Variants in HBA2 observed in about 807,000 individuals in gnomAD.
HBA2 encodes hemoglobin subunit alpha 2.
Under a neutral mutation model 5.6 loss-of-function variants are expected in HBA2, and 9 were observed. The ratio of observed to expected loss-of-function variants is 1.60; its 90% CI spans 0.97 to 2.80. HBA2 has a LOEUF of 2.80. Ranked by LOEUF, HBA2 falls within the 30% of genes most tolerant of loss-of-function variation. The probability of loss-of-function intolerance (pLI) is 0.00; values close to 1 mark genes in which losing one functional copy is unlikely to be tolerated. For missense variants in HBA2, 86 were observed against 152.1 expected (o/e 0.57, Z 2.29); for synonymous variants, 38 against 73.4 (o/e 0.52, Z 2.47).
rs3020599 is a variant in HBA2, at chr16:173,632, G to A, written c.*32G>A. 1.4e-5 allele frequency: 22 copies of A among 1,607,794 alleles called. No individual in the cohort carries two copies. The East Asian group carries it at 4.9e-4, about 36-fold the overall frequency. On this transcript the variant is annotated 3_prime_UTR_variant, in exon 3 of 3. Coordinates refer to ENST00000251595, the MANE Select transcript of HBA2 (RefSeq NM_000517.6). Reference sequence around the variant, plus strand: ...GCCTCGGTAGCCGTTCCTCCTGCCCGCTGGGCCTCCCAACGGGCCCTCCTC... The same window carrying A: ...GCCTCGGTAGCCGTTCCTCCTGCCCACTGGGCCTCCCAACGGGCCCTCCTC...
Position 173,255 on chromosome 16 carries a change from G to T in HBA2, c.226G>T (p.Asp76Tyr), listed in dbSNP as rs281864858. 6.8e-7 allele frequency: 1 copy of T among 1,462,644 alleles called. No homozygotes were observed. Among genetic ancestry groups the T allele is most frequent in the Non-Finnish European group, 9.1e-7 (1 of 1,096,088 alleles). The allele number at this position is 1,462,644 out of a possible 1,614,324, so 90.6% of individuals were successfully genotyped here. The change falls in exon 2 of 3, where the codon GAC becomes TAC. Residue 76 changes from aspartate to tyrosine, a missense_variant. By Grantham distance (160) the Asp-to-Tyr change is radical (BLOSUM62 -3). This residue lies in a region of HBA2 where 25 missense variants were observed against 81.3 expected (regional missense o/e 0.31). Transcript: ENST00000251595. ...GACCAACGCCGTGGCGCACGTGGAC[G>T]ACATGCCCAACGCGCTGTCCGCCCT... ...ALTNAVAHVD[D>Y]MPNALSALSD... is the part of the protein sequence containing the mutation.
chr16:173,480 C>CCACT lies in HBA2; in HGVS notation c.310_313dup (p.Cys105SerfsTer70). On this transcript the variant is annotated frameshift_variant, in exon 3 of 3. Transcript: ENST00000251595. LOFTEE classifies it high-confidence loss of function. ...CCCTCTTCTCTGCACAGCTCCTAAGCCACTGCCTGCTGGTGACCCTGGCCG... is the reference window on the plus strand; with the variant it reads ...CCCTCTTCTCTGCACAGCTCCTAAGCCACTCACTGCCTGCTGGTGACCCTGGCCG... 6.2e-7 allele frequency: 1 copy of CCACT among 1,605,972 alleles called. No individual in the cohort carries two copies. The highest frequency in any genetic ancestry group is 8.5e-7 in the Non-Finnish European group (1 of 1,179,874).
chr16:172,976 G>A lies in HBA2; in HGVS notation c.64G>A (p.Ala22Thr). The change falls in exon 1 of 3, where the codon GCT (alanine) becomes ACT (threonine). Residue 22 changes from alanine (A) to threonine (T), a missense_variant. Ala to Thr is a moderately conservative substitution (Grantham distance 58, BLOSUM62 0). Transcript: ENST00000251595. ...KAAWGKVGAH[A>T]GEYGAEALER... ...CGCCTGGGGTAAGGTCGGCGCGCAC[G>A]CTGGCGAGTATGGTGCGGAGGCCCT... 2 of 416,564 alleles carry A rather than the reference G, an allele frequency of 4.8e-6. No individual in the cohort carries two copies. Among genetic ancestry groups the A allele is most frequent in the South Asian group, 2.2e-5 (1 of 44,694 alleles). The allele number at this position is 416,564 out of a possible 1,614,324, so 25.8% of individuals were successfully genotyped here.
rs1288452192 is a variant in HBA2, at chr16:173,702, T to C, written c.*102T>C. 1 of 1,489,446 alleles carries C rather than the reference T, an allele frequency of 6.7e-7. No homozygotes were observed. The highest frequency in any genetic ancestry group is 9.2e-7 in the Non-Finnish European group (1 of 1,089,600). The allele number at this position is 1,489,446 out of a possible 1,614,324, so 92.3% of individuals were successfully genotyped here. Reference sequence around the variant, plus strand: ...TCCTGGTCTTTGAATAAAGTCTGAGTGGGCAGCAGCCTGTGTGTGCCTGGG... The same window carrying C: ...TCCTGGTCTTTGAATAAAGTCTGAGCGGGCAGCAGCCTGTGTGTGCCTGGG... On this transcript the variant is annotated 3_prime_UTR_variant, in exon 3 of 3. Coordinates refer to ENST00000251595, the MANE Select transcript of HBA2 (RefSeq NM_000517.6).
In HBA2 at chr16:173,629, C is replaced by T. The variant is rs748795375; in HGVS notation, c.*29C>T. The T allele has an allele frequency of 5.6e-6, 9 of 1,608,124 alleles. No individual in the cohort carries two copies. The East Asian group carries it at 6.7e-5, about 12-fold the overall frequency. On this transcript the variant is annotated 3_prime_UTR_variant, in exon 3 of 3. Transcript: ENST00000251595. ...GGAGCCTCGGTAGCCGTTCCTCCTG[C>T]CCGCTGGGCCTCCCAACGGGCCCTC...
At position 173,005 on chromosome 16, in the gene HBA2, G is replaced by A. The variant is rs1211328339; in HGVS notation, c.93G>A (p.Glu31=). Residue 31 remains glutamate (E), a splice_region_variant and synonymous_variant, in exon 1 of 3, where the codon GAG becomes GAA. Coordinates refer to ENST00000251595, the MANE Select transcript of HBA2 (RefSeq NM_000517.6). ...HAGEYGAEAL[E]RMFLSFPTTK... ...GCGAGTATGGTGCGGAGGCCCTGGA[G>A]AGGTGAGGCTCCCTCCCCTGCTCCG... The A allele has an allele frequency of 2.2e-5, 10 of 449,674 alleles. No homozygotes were observed. Among genetic ancestry groups the A allele is most frequent in the Non-Finnish European group, 3.7e-5 (10 of 267,910 alleles). The allele number at this position is 449,674 out of a possible 1,614,324, so 27.9% of individuals were successfully genotyped here.
Position 173,455 on chromosome 16 carries a change from C to T in HBA2, c.301-17C>T, listed in dbSNP as rs751285512. The T allele has an allele frequency of 2.5e-6, 4 of 1,605,286 alleles. No homozygotes were observed. In the East Asian group the frequency reaches 8.9e-5, roughly 36 times the overall value. ...CGGCTGCGGGCCTGGGCCGCACTGA[C>T]CCTCTTCTCTGCACAGCTCCTAAGC... On this transcript the variant is annotated splice_polypyrimidine_tract_variant and intron_variant, in intron 2 of 2. Coordinates refer to ENST00000251595, the MANE Select transcript of HBA2 (RefSeq NM_000517.6).
Position 173,628 on chromosome 16 carries a change from G to C in HBA2, c.*28G>C. The C allele has an allele frequency of 6.2e-7, 1 of 1,608,174 alleles. No homozygotes were observed. Among genetic ancestry groups the C allele is most frequent in the South Asian group, 1.1e-5 (1 of 89,738 alleles). ...TGGAGCCTCGGTAGCCGTTCCTCCT[G>C]CCCGCTGGGCCTCCCAACGGGCCCT... On this transcript the variant is annotated 3_prime_UTR_variant, in exon 3 of 3. Transcript: ENST00000251595.
rs41417548 is a variant in HBA2 at position 173,485 on chromosome 16, G to A, written c.314G>A (p.Cys105Tyr). The A allele has an allele frequency of 5.6e-6, 9 of 1,606,130 alleles. No individual in the cohort carries two copies. The South Asian group carries it at 1.0e-4, about 18-fold the overall frequency. The change falls in exon 3 of 3, where the codon TGC (cysteine) becomes TAC (tyrosine). Residue 105 changes from cysteine (C) to tyrosine (Y), a missense_variant. Coordinates refer to ENST00000251595, the MANE Select transcript of HBA2 (RefSeq NM_000517.6). Reference protein sequence around the residue: ...DPVNFKLLSHCLLVTLAAHLP... With the variant: ...DPVNFKLLSHYLLVTLAAHLP... ...TTCTCTGCACAGCTCCTAAGCCACT[G>A]CCTGCTGGTGACCCTGGCCGCCCAC...
At position 173,690 on chromosome 16, in the gene HBA2, A is replaced by T; in HGVS notation, c.*90A>T. 6.4e-7 allele frequency: 1 copy of T among 1,550,554 alleles called. No individual in the cohort carries two copies. Among genetic ancestry groups the T allele is most frequent in the Non-Finnish European group, 8.8e-7 (1 of 1,138,684 alleles). Reference sequence around the variant, plus strand: ...TGCACCGGCCCTTCCTGGTCTTTGAATAAAGTCTGAGTGGGCAGCAGCCTG... The same window carrying T: ...TGCACCGGCCCTTCCTGGTCTTTGATTAAAGTCTGAGTGGGCAGCAGCCTG... On this transcript the variant is annotated 3_prime_UTR_variant, in exon 3 of 3. Transcript: ENST00000251595.
rs281864811 is a variant in HBA2 at position 172,958 on chromosome 16, G to A, written c.46G>A (p.Gly16Ser). Residue 16 changes from glycine to serine, a missense_variant, in exon 1 of 3, where the codon GGT (glycine) becomes AGT (serine). Transcript: ENST00000251595. ...CAAGACCAACGTCAAGGCCGCCTGG[G>A]GTAAGGTCGGCGCGCACGCTGGCGA... is the stretch of plus-strand genomic sequence containing the variant. ...ADKTNVKAAW[G>S]KVGAHAGEYG... 2.8e-5 allele frequency: 11 copies of A among 390,662 alleles called. No homozygotes were observed. The East Asian group carries it at 4.2e-4, about 15-fold the overall frequency. 24.2% of individuals were successfully genotyped at this position (390,662 alleles called of 1,614,324 possible).
At chr16:173,373 G>A in intron 2 of HBA2, 44 bp downstream of exon 2, 1 of 1,602,970 alleles carries the variant, frequency 6.2e-7, no homozygotes, top group Admixed American at 1.7e-5. Context: ...GGGCGAGATG[G>A]CGCCTTCCTC....
Position 173,618 on chromosome 16 carries a change from C to T in HBA2, c.*18C>T. ...ACCGTTAAGCTGGAGCCTCGGTAGC[C>T]GTTCCTCCTGCCCGCTGGGCCTCCC... On this transcript the variant is annotated 3_prime_UTR_variant, in exon 3 of 3. Transcript: ENST00000251595. 1 of 1,608,486 alleles carries T rather than the reference C, an allele frequency of 6.2e-7. No homozygotes were observed. The highest frequency in any genetic ancestry group is 1.7e-5 in the Admixed American group (1 of 59,872).
In HBA2 at chr16:173,343, C is replaced by T. The variant is rs760392963; in HGVS notation, c.300+14C>T. On this transcript the variant is annotated intron_variant, in intron 2 of 2. Transcript: ENST00000251595. ...GTCAACTTCAAGGTGAGCGGCGGGC[C>T]GGGAGCGATCTGGGTCGAGGGGCGA... The T allele has an allele frequency of 2.5e-6, 4 of 1,592,796 alleles. No homozygotes were observed. The highest frequency in any genetic ancestry group is 3.4e-6 in the Non-Finnish European group (4 of 1,176,062).
In HBA2 at chr16:173,675, C is replaced by G. The variant is rs1567163829; in HGVS notation, c.*75C>G. On this transcript the variant is annotated 3_prime_UTR_variant, in exon 3 of 3. Transcript: ENST00000251595. Reference sequence around the variant, plus strand: ...CCCTCCTCCCCTCCTTGCACCGGCCCTTCCTGGTCTTTGAATAAAGTCTGA... The same window carrying G: ...CCCTCCTCCCCTCCTTGCACCGGCCGTTCCTGGTCTTTGAATAAAGTCTGA... The G allele has an allele frequency of 3.8e-6, 6 of 1,580,054 alleles. No individual in the cohort carries two copies. Among genetic ancestry groups the G allele is most frequent in the Non-Finnish European group, 4.3e-6 (5 of 1,160,798 alleles).
chr16:173,689 A>C lies in HBA2; in HGVS notation c.*89A>C. On this transcript the variant is annotated 3_prime_UTR_variant, in exon 3 of 3. Coordinates refer to ENST00000251595, the MANE Select transcript of HBA2 (RefSeq NM_000517.6). ...TTGCACCGGCCCTTCCTGGTCTTTG[A>C]ATAAAGTCTGAGTGGGCAGCAGCCT... 6.4e-7 allele frequency: 1 copy of C among 1,555,458 alleles called. No homozygotes were observed. The highest frequency in any genetic ancestry group is 2.3e-5 in the East Asian group (1 of 43,862).
chr16:173,562 G>C lies in HBA2; in HGVS notation c.391G>C (p.Ala131Pro), dbSNP rs41529844. ...GCACGCCTCCCTGGACAAGTTCCTG[G>C]CTTCTGTGAGCACCGTGCTGACCTC... is the stretch of plus-strand genomic sequence containing the variant. ...AVHASLDKFLASVSTVLTSKY... is the reference protein window; with the variant it reads ...AVHASLDKFLPSVSTVLTSKY... Residue 131 changes from alanine (A) to proline (P), a missense_variant, in exon 3 of 3, where the codon GCT becomes CCT. Physicochemically the swap from Ala to Pro is conservative, Grantham distance 27. Around this residue, in one of 3 missense-constraint regions of HBA2, gnomAD observed 44 missense variants for 54.8 expected, o/e 0.80. Transcript: ENST00000251595. The C allele has an allele frequency of 7.5e-6, 12 of 1,608,028 alleles. No homozygotes were observed. In the South Asian group the frequency reaches 1.1e-4, roughly 15 times the overall value.
At chr16:173,422 G>T (rs377019561) in intron 2 of HBA2, 50 bp from the exon 3 acceptor site, 10 of 1,604,434 alleles carry the variant, frequency 6.2e-6, no homozygotes, top group Middle Eastern at 3.5e-4. Context: ...GAGGTGTAGC[G>T]CAGGCGGCGG....
Sources: allele counts gnomAD v4.1 joint callset, GRCh38; gene constraint gnomAD v4.1.1; regional missense constraint gnomAD v4.1.1; transcripts MANE v1.5; gene names NCBI Gene and HGNC (gene_info 2026-07-23, HGNC 2026-07-21).